NUP62CL: variants seen among roughly 807,000 people sequenced by gnomAD.
The protein encoded by NUP62CL is nucleoporin-62 C-terminal-like protein.
In NUP62CL, 13 loss-of-function variants were observed where a neutral mutation model predicts 15.3. The observed-to-expected ratio is 0.85, with a 90% CI of 0.55 to 1.35. The LOEUF (loss-of-function observed/expected upper bound fraction) is 1.35. Among genes scored for constraint, NUP62CL ranks in the 40% most tolerant of loss-of-function variants. The pLI, the probability that NUP62CL is intolerant of heterozygous loss-of-function variation, is 0.00. For missense variants in NUP62CL, 123 were observed against 130.6 expected (o/e 0.94, Z 0.28); for synonymous variants, 54 against 49.2 (o/e 1.10, Z -0.41).
At chrX:107,199,446 T>A (rs894270140) in intron 1 of NUP62CL, among the ~76,000 whole-genome samples, 11 of 112,492 alleles carry the variant, frequency 9.8e-5, no homozygotes, top group Non-Finnish European at 1.5e-4. Flanking sequence ...TCTCACAAAG[T>A]ATAAATGATT....
intron 7 of NUP62CL, among the ~76,000 whole-genome samples, chrX:107,150,192 C>A (rs1048024594): frequency 9.0e-6 from 1 of 111,717 alleles, no homozygotes; most frequent in African/African-American, 3.3e-5. Context: ...CACAAGCATA[C>A]CTACTAACAC....
intron 4 of NUP62CL, among the ~76,000 whole-genome samples, chrX:107,166,762 G>C (rs1257293421): frequency 9.0e-6 from 1 of 111,416 alleles, no homozygotes; most frequent in Admixed American, 9.5e-5. Flanking sequence ...AACTGTTGAT[G>C]CACACGACAA....
chrX:107,144,399 T>A (rs970675185), intron 8 of NUP62CL, among the ~76,000 whole-genome samples: 3 of 111,903 alleles, frequency 2.7e-5, no homozygotes, highest in Non-Finnish European at 5.6e-5. Context: ...CTTAAAGAAG[T>A]CATTCAACCT....
intron 7 of NUP62CL, chrX:107,150,935 AG>A (rs1450935060): frequency 5.9e-6 from 2 of 341,563 alleles, no homozygotes; most frequent in Non-Finnish European, 1.2e-5. Context: ...CATTTGTTTC[AG>A]CTGAGCATCT....
intron 5 of NUP62CL, among the ~76,000 whole-genome samples, 196 bp from the exon 6 acceptor site, chrX:107,153,699 G>T (rs963506298): frequency 8.9e-6 from 1 of 112,332 alleles, no homozygotes; most frequent in African/African-American, 3.2e-5. Context: ...TGGGTATGGT[G>T]GCTCATGCCT....
intron 1 of NUP62CL, among the ~76,000 whole-genome samples, chrX:107,204,791 AAATT>A (rs1017224195): frequency 2.3e-5 from 2 of 85,172 alleles, no homozygotes; most frequent in South Asian, 4.9e-4. Context: ...AATTTTAAAT[AAATT>A]ATTTAAATAA....
At chrX:107,131,813 T>C in intron 8 of NUP62CL, 1 of 1,136,650 alleles carries the variant, frequency 8.8e-7, no homozygotes, top group South Asian at 1.8e-5. Flanking sequence ...GACAGCTGTG[T>C]CTTTGCTGGG....
chrX:107,140,714 G>A (rs897090759), intron 8 of NUP62CL, among the ~76,000 whole-genome samples: 9 of 112,226 alleles, frequency 8.0e-5, no homozygotes, highest in Non-Finnish European at 1.7e-4. Flanking sequence ...TTAATAAAAA[G>A]TATTATGCTG....
chrX:107,169,313 A>G (rs1240475912), intron 3 of NUP62CL, among the ~76,000 whole-genome samples: 1 of 111,766 alleles, frequency 8.9e-6, no homozygotes, highest in Admixed American at 9.5e-5. Context: ...GAGAAATTTA[A>G]AAAAAGAAAA....
intron 8 of NUP62CL, among the ~76,000 whole-genome samples, chrX:107,144,099 T>G (rs1268861676): frequency 9.0e-6 from 1 of 111,688 alleles, no homozygotes; most frequent in Non-Finnish European, 1.9e-5. Flanking sequence ...AATGAATTTT[T>G]AGCAAAAAAG....
Position 107,167,716 on chromosome X carries a change from T to C in NUP62CL, c.127A>G (p.Thr43Ala). The C allele has an allele frequency of 8.3e-7, 1 of 1,208,339 alleles. No homozygotes were observed. Among genetic ancestry groups the C allele is most frequent in the Non-Finnish European group, 1.1e-6 (1 of 892,536 alleles). Residue 43 changes from threonine (T) to alanine (A), a missense_variant, in exon 4 of 9, where the codon ACT becomes GCT. Transcript: ENST00000372466. ...GATAACAGTTGGTTTTGGTTCACAG[T>C]AAAGCCACTGGTGATTGTGGTAGTA... Reference protein sequence around the residue: ...NTTTTITSGFTVNQNQLLSRG... With the variant: ...NTTTTITSGFAVNQNQLLSRG...
In NUP62CL at chrX:107,177,160, A is replaced by G. The variant is rs1014197123; in HGVS notation, c.-47-1967T>C. Among the ~76,000 whole-genome samples, 5 of 112,053 alleles carry G rather than the reference A, an allele frequency of 4.5e-5. No homozygotes were observed. The Admixed American group carries it at 4.7e-4, about 11-fold the overall frequency. On this transcript the variant is annotated intron_variant, in intron 2 of 8. Transcript: ENST00000372466. ...TATATAAAAATAATTACATTTCTCT[A>G]TTATAACAATGAACAATACAAAATG...
Position 107,153,458 on chromosome X carries a change from T to A in NUP62CL, c.391A>T (p.Lys131Ter). The A allele has an allele frequency of 8.6e-7, 1 of 1,161,078 alleles. No individual in the cohort carries two copies. Among genetic ancestry groups the A allele is most frequent in the Non-Finnish European group, 1.1e-6 (1 of 869,585 alleles). ...CAAGGAAATCTAAGGTTCTACCTTTTCTGATCCAGTTTCACTTTGTTCACT... is the reference window on the plus strand; with the variant it reads ...CAAGGAAATCTAAGGTTCTACCTTTACTGATCCAGTTTCACTTTGTTCACT... ...GEVNKVKLDQ[K>*]RLEQELDFIL... Residue 131 changes from lysine (K) to a stop codon, truncating the protein, a stop_gained, in exon 6 of 9, where the codon AAA becomes TAA. Transcript: ENST00000372466. LOFTEE classifies it high-confidence loss of function.
chrX:107,161,081 G>T (rs1926355236), intron 4 of NUP62CL, among the ~76,000 whole-genome samples: 1 of 110,550 alleles, frequency 9.0e-6, no homozygotes, highest in Non-Finnish European at 1.9e-5. Context: ...ACCACTATGA[G>T]ATATCATCTC....
chrX:107,171,831 C>T (rs1926658378), intron 3 of NUP62CL, among the ~76,000 whole-genome samples: 1 of 109,731 alleles, frequency 9.1e-6, no homozygotes, highest in African/African-American at 3.3e-5. Flanking sequence ...AGAGGCTGCC[C>T]ATTCATATTT....
intron 8 of NUP62CL, among the ~76,000 whole-genome samples, chrX:107,137,325 G>A (rs1925664405): frequency 9.0e-6 from 1 of 111,669 alleles, no homozygotes; most frequent in South Asian, 3.7e-4. Flanking sequence ...CATAAGATCA[G>A]GAACAAGGCA....
At chrX:107,183,099 G>C (rs1391204021) in intron 2 of NUP62CL, among the ~76,000 whole-genome samples, 2 of 111,507 alleles carry the variant, frequency 1.8e-5, no homozygotes, top group East Asian at 5.6e-4. Context: ...AGGCCGAGAC[G>C]GGACAATCAC....
intron 1 of NUP62CL, among the ~76,000 whole-genome samples, chrX:107,196,163 AT>A (rs1927356998): frequency 1.8e-5 from 2 of 111,572 alleles, no homozygotes; most frequent in Admixed American, 9.6e-5. Flanking sequence ...CATAACTTTA[AT>A]TTTTTCTGCC....
At chrX:107,131,654 C>G in intron 8 of NUP62CL, 1 of 592,842 alleles carries the variant, frequency 1.7e-6, no homozygotes, top group African/African-American at 2.2e-5. Context: ...GGCCGACTAG[C>G]GGGATCTGGA....
Sources: allele counts gnomAD v4.1 joint callset (sites outside exome capture counted in the v4.1 genomes callset), GRCh38; gene constraint gnomAD v4.1.1; transcripts MANE v1.5; gene names NCBI Gene and HGNC (gene_info 2026-07-23, HGNC 2026-07-21).